The following PITPNB variants were observed in gnomAD, a reference collection of about 807,000 sequenced individuals.
The protein encoded by PITPNB is phosphatidylinositol transfer protein beta.
A neutral mutation model predicts 45.9 loss-of-function variants in PITPNB; 16 were observed. That is an observed-to-expected ratio of 0.35 (90% CI 0.24 to 0.53). The LOEUF (loss-of-function observed/expected upper bound fraction) is 0.53, where lower values mean the gene tolerates loss of function less well. Among genes scored for constraint, PITPNB ranks in the 20% least tolerant of loss-of-function variants. PITPNB has a pLI of 0.93. For missense variants in PITPNB, 188 were observed against 330.5 expected, an observed-to-expected ratio of 0.57 and a Z score of 3.34; for synonymous variants, 112 against 108.9, an observed-to-expected ratio of 1.03 and a Z score of -0.18.
intron 8 of PITPNB, among the ~76,000 whole-genome samples, chr22:27,873,174 G>A (rs909304299): frequency 6.6e-6 from 1 of 152,182 alleles, no homozygotes; most frequent in African/African-American, 2.4e-5. Flanking sequence ...GGCTGAGGCA[G>A]GACAATCACT....
rs765133957 is a variant in PITPNB, at chr22:27,896,642, C to T, written c.298-16G>A. On this transcript the variant is annotated splice_polypyrimidine_tract_variant and intron_variant, in intron 5 of 11. Coordinates refer to ENST00000335272, the MANE Select transcript of PITPNB (RefSeq NM_012399.5). ...TATATTCATTCTGCAGAAAACACAA[C>T]AGGAAAATGACAGTGATCTTCTACC... 9 of 1,562,822 alleles carry T rather than the reference C, an allele frequency of 5.8e-6. No individual in the cohort carries two copies. The highest frequency in any genetic ancestry group is 1.4e-5 in the African/African-American group (1 of 73,952).
At chr22:27,871,415 C>T (rs1270001320) in intron 8 of PITPNB, among the ~76,000 whole-genome samples, 1 of 152,196 alleles carries the variant, frequency 6.6e-6, no homozygotes, top group Non-Finnish European at 1.5e-5. Context: ...GTCTCAACCT[C>T]ATGCCCCTTT....
chr22:27,897,720 C>G, intron 4 of PITPNB, 81 bp downstream of exon 4: 2 of 930,624 alleles, frequency 2.1e-6, no homozygotes, highest in South Asian at 1.3e-5. Context: ...TCAGTGTAAA[C>G]CTTCTCAAAG....
At chr22:27,914,862 CGTGTAGAATTA>C (rs1238098983) in intron 1 of PITPNB, among the ~76,000 whole-genome samples, 1 of 152,074 alleles carries the variant, frequency 6.6e-6, no homozygotes, top group African/African-American at 2.4e-5. Flanking sequence ...AATAAGGAGT[CGTGTAGAATTA>C]GTAAGAAAAA....
At chr22:27,915,228 C>CA (rs1315800215) in intron 1 of PITPNB, among the ~76,000 whole-genome samples, 2 of 152,090 alleles carry the variant, frequency 1.3e-5, no homozygotes, top group African/African-American at 4.8e-5. Flanking sequence ...TGGGGGTATA[C>CA]GATCCTTCTC....
In PITPNB at chr22:27,852,918, T is replaced by A. The variant is rs1934064474; in HGVS notation, c.*784A>T. On this transcript the variant is annotated 3_prime_UTR_variant, in exon 12 of 12. Transcript: ENST00000335272. ...TTTTGCTAGGTTTGATGTAGAAAAA[T>A]ATTTGAAATTTAAAATACAAAAATC... is the stretch of plus-strand genomic sequence containing the variant. 6.6e-6 allele frequency: 1 copy of A among 152,636 alleles called. No individual in the cohort carries two copies. Among genetic ancestry groups the A allele is most frequent in the East Asian group, 1.9e-4 (1 of 5,198 alleles). 9.5% of individuals were successfully genotyped at this position (152,636 alleles called of 1,614,324 possible). A position where few individuals can be genotyped will look rare whatever the true frequency, so the allele number is the denominator to read the frequency against.
intron 2 of PITPNB, 38 bp from the exon 3 acceptor site, chr22:27,911,147 T>G (rs968699723): frequency 6.5e-7 from 1 of 1,529,734 alleles, no homozygotes; most frequent in Admixed American, 1.7e-5. Context: ...AGTAAGTCAG[T>G]AGTAACTGCA....
chr22:27,888,236 A>G (rs1935180050), intron 7 of PITPNB, among the ~76,000 whole-genome samples: 1 of 152,202 alleles, frequency 6.6e-6, no homozygotes, highest in South Asian at 2.1e-4. Flanking sequence ...CCATCACATG[A>G]GTGTGCCACA....
At chr22:27,894,500 A>C in intron 7 of PITPNB, 55 bp downstream of exon 7, 1 of 962,732 alleles carries the variant, frequency 1.0e-6, no homozygotes, top group Non-Finnish European at 1.7e-6. Context: ...TGATAGTAGA[A>C]AATAATTTTT....
chr22:27,903,180 C>T (rs1935650669), intron 3 of PITPNB, among the ~76,000 whole-genome samples: 1 of 152,032 alleles, frequency 6.6e-6, no homozygotes, highest in African/African-American at 2.4e-5. Flanking sequence ...TCAAAATGGG[C>T]AGCCAGAGGC....
intron 3 of PITPNB, among the ~76,000 whole-genome samples, chr22:27,909,276 C>T (rs1005156256): frequency 6.7e-5 from 10 of 148,862 alleles, no homozygotes; most frequent in East Asian, 2.0e-4. Flanking sequence ...TATATTGCCC[C>T]GACTGGTCTC....
intron 7 of PITPNB, among the ~76,000 whole-genome samples, chr22:27,876,706 G>A (rs1315981557): frequency 1.3e-5 from 2 of 151,800 alleles, no homozygotes; most frequent in Non-Finnish European, 1.5e-5. Flanking sequence ...TCTGAAAACT[G>A]GCCAATTTAT....
At chr22:27,883,326 C>T (rs1185412598) in intron 7 of PITPNB, among the ~76,000 whole-genome samples, 2 of 152,204 alleles carry the variant, frequency 1.3e-5, no homozygotes, top group Non-Finnish European at 1.5e-5. Context: ...TGGGGAGTTA[C>T]AGCAGTTCCC....
chr22:27,905,439 C>T (rs1391915371), intron 3 of PITPNB, among the ~76,000 whole-genome samples: 2 of 152,192 alleles, frequency 1.3e-5, no homozygotes, highest in African/African-American at 4.8e-5. Context: ...CAAGCCACCA[C>T]ACCCAGCCTA....
At chr22:27,870,565 G>C (rs930945438) in intron 8 of PITPNB, among the ~76,000 whole-genome samples, 1 of 152,154 alleles carries the variant, frequency 6.6e-6, no homozygotes, top group Non-Finnish European at 1.5e-5. Flanking sequence ...ACACTACCCT[G>C]GTTAAGTGGG....
intron 8 of PITPNB, among the ~76,000 whole-genome samples, chr22:27,873,432 G>A (rs1475727558): frequency 6.6e-6 from 1 of 152,122 alleles, no homozygotes; most frequent in African/African-American, 2.4e-5. Flanking sequence ...CATTTAAAAT[G>A]GATTTTTATA....
At chr22:27,917,881 G>A (rs989633723) in intron 1 of PITPNB, among the ~76,000 whole-genome samples, 10 of 152,180 alleles carry the variant, frequency 6.6e-5, no homozygotes, top group Non-Finnish European at 1.3e-4. Context: ...CAAATAGTGG[G>A]AACTACAATT....
intron 7 of PITPNB, among the ~76,000 whole-genome samples, chr22:27,882,784 A>G (rs937716092): frequency 3.9e-5 from 6 of 152,228 alleles, no homozygotes; most frequent in African/African-American, 1.4e-4. Flanking sequence ...GAGCACTCAC[A>G]TACTACACAA....
intron 8 of PITPNB, among the ~76,000 whole-genome samples, chr22:27,866,646 A>G (rs1934493510): frequency 6.6e-6 from 1 of 152,196 alleles, no homozygotes; most frequent in Admixed American, 6.6e-5. Flanking sequence ...ACTTTTTCCT[A>G]TTTAAAACTG....
Sources: gnomAD v4.1 joint callset for allele counts (sites outside exome capture counted in the v4.1 genomes callset) on GRCh38, gnomAD v4.1.1 for gene constraint, MANE v1.5 for transcripts, NCBI Gene and HGNC (gene_info 2026-07-23, HGNC 2026-07-21) for gene names.